DRG1: variants seen among roughly 807,000 people sequenced by gnomAD.
DRG1 encodes the protein developmentally-regulated GTP-binding protein 1.
DRG1 carries 19 observed loss-of-function variants against 38.8 expected under a neutral mutation model. The observed-to-expected ratio is 0.49, with a 90% CI of 0.34 to 0.72. DRG1 has a LOEUF of 0.72. Among genes scored for constraint, DRG1 ranks in the 30% least tolerant of loss-of-function variants. DRG1 has a pLI of 0.01. For missense variants in DRG1, 299 were observed against 444.8 expected, an observed-to-expected ratio of 0.67 and a Z score of 2.95; for synonymous variants, 167 against 157.5, an observed-to-expected ratio of 1.06 and a Z score of -0.45.
At chr22:31,431,838 G>C (rs193121892) in intron 8 of DRG1, among the ~76,000 whole-genome samples, 1 of 152,212 alleles carries the variant, frequency 6.6e-6, no homozygotes, top group African/African-American at 2.4e-5. Flanking sequence ...ACTTTAACTG[G>C]TAAAGATGAC....
intron 8 of DRG1, among the ~76,000 whole-genome samples, chr22:31,431,035 CTT>C (rs1365360511): frequency 5.3e-5 from 3 of 56,764 alleles, no homozygotes; most frequent in African/African-American, 6.7e-5. Context: ...CCCCCCCCCG[CTT>C]TTTTTTTTTT....
Position 31,423,257 on chromosome 22 carries a change from A to T in DRG1, c.583-23A>T, listed in dbSNP as rs781145578. 3.1e-6 allele frequency: 5 copies of T among 1,612,556 alleles called. No individual in the cohort carries two copies. The East Asian group carries it at 1.1e-4, about 36-fold the overall frequency. On this transcript the variant is annotated intron_variant, in intron 5 of 8. Coordinates refer to ENST00000331457, the MANE Select transcript of DRG1 (RefSeq NM_004147.4). ...ATTTTTTTTAAATTTTGTGCTGACT[A>T]GTCATCTGCTATTCCCTTTCAGTGC...
chr22:31,428,683 G>C (rs1236795926), intron 8 of DRG1, among the ~76,000 whole-genome samples: 1 of 152,162 alleles, frequency 6.6e-6, no homozygotes, highest in African/African-American at 2.4e-5. Flanking sequence ...AGGAACCTGT[G>C]TGGCATTTAG....
intron 2 of DRG1, 32 bp from the exon 3 acceptor site, chr22:31,402,997 T>G: frequency 6.3e-7 from 1 of 1,593,776 alleles, no homozygotes; most frequent in Non-Finnish European, 8.5e-7. Flanking sequence ...GGGGGATAAC[T>G]CTCCTCTTTT....
In DRG1 at chr22:31,427,222, AGTT is replaced by A. The variant is rs776476899; in HGVS notation, c.1004+41_1004+43del. 1.9e-6 allele frequency: 3 copies of A among 1,603,262 alleles called. No individual in the cohort carries two copies. The Admixed American group carries it at 5.2e-5, about 28-fold the overall frequency. On this transcript the variant is annotated intron_variant, in intron 8 of 8. Transcript: ENST00000331457. ...CCTGTGGTCCCTCCTTTTTCCTATG[AGTT>A]ACCAATTTTACTAACTAGTAATTCT...
At position 31,426,677 on chromosome 22, in the gene DRG1, A is replaced by T. The variant is rs2050112643; in HGVS notation, c.776A>T (p.Asp259Val). The T allele has an allele frequency of 1.2e-6, 2 of 1,613,942 alleles. No individual in the cohort carries two copies. The highest frequency in any genetic ancestry group is 1.7e-6 in the Non-Finnish European group (2 of 1,179,976). ...KIDQISIEEL[D>V]IIYKVPHCVP... ...GACCAAATCTCCATTGAGGAATTGG[A>T]TATCATCTATAAGGTGCCTCACTGT... is the stretch of plus-strand genomic sequence containing the variant. The change falls in exon 7 of 9, where the codon GAT becomes GTT. Residue 259 changes from aspartate to valine, a missense_variant. By Grantham distance (152) the Asp-to-Val change is radical (BLOSUM62 -3). This residue lies in a region of DRG1 where 198 missense variants were observed against 268.1 expected (regional missense o/e 0.74). Transcript: ENST00000331457.
intron 3 of DRG1, among the ~76,000 whole-genome samples, chr22:31,408,516 C>T (rs1012117606): frequency 5.9e-5 from 9 of 151,476 alleles, no homozygotes; most frequent in East Asian, 2.0e-4. Flanking sequence ...GGGAGACTGA[C>T]GCGAGCAGAT....
intron 8 of DRG1, among the ~76,000 whole-genome samples, chr22:31,427,687 T>C (rs1436740541): frequency 6.6e-6 from 1 of 152,202 alleles, no homozygotes; most frequent in African/African-American, 2.4e-5. Flanking sequence ...TGCCTCAGCC[T>C]CCTGAGTAGC....
At chr22:31,424,562 G>A (rs1250279363) in intron 6 of DRG1, among the ~76,000 whole-genome samples, 4 of 137,438 alleles carry the variant, frequency 2.9e-5, no homozygotes, top group Non-Finnish European at 1.5e-5. Flanking sequence ...ACAGTGGCGC[G>A]ATCTTGGCTC....
intron 4 of DRG1, among the ~76,000 whole-genome samples, chr22:31,417,255 A>T (rs2050050160): frequency 7.0e-6 from 1 of 143,132 alleles, no homozygotes; most frequent in Admixed American, 6.9e-5. Flanking sequence ...CTGTAGTCCC[A>T]AGCTGCTCGG....
intron 8 of DRG1, among the ~76,000 whole-genome samples, chr22:31,431,828 A>C (rs772134918): frequency 6.6e-6 from 1 of 152,192 alleles, no homozygotes; most frequent in Admixed American, 6.5e-5. Flanking sequence ...TTTGGCAGTT[A>C]CTTTAACTGG....
In DRG1 at chr22:31,401,742, C is replaced by G. The variant is rs573661922; in HGVS notation, c.166+999C>G. Reference sequence around the variant, plus strand: ...CTGCACTCCATCCTGGGTGATAGAGCGAGATCTCATCTTAAGAAAACCAAA... The same window carrying G: ...CTGCACTCCATCCTGGGTGATAGAGGGAGATCTCATCTTAAGAAAACCAAA... On this transcript the variant is annotated intron_variant, in intron 2 of 8. Coordinates refer to ENST00000331457, the MANE Select transcript of DRG1 (RefSeq NM_004147.4). Among the ~76,000 whole-genome samples the G allele has an allele frequency of 9.2e-5, 14 of 151,882 alleles. No individual in the cohort carries two copies. The South Asian group carries it at 2.3e-3, about 25-fold the overall frequency.
At chr22:31,415,620 C>G (rs1258923187) in intron 4 of DRG1, among the ~76,000 whole-genome samples, 1 of 152,134 alleles carries the variant, frequency 6.6e-6, no homozygotes, top group Non-Finnish European at 1.5e-5. Flanking sequence ...CCTCGGCCTC[C>G]CAAAGTGCTG....
intron 4 of DRG1, among the ~76,000 whole-genome samples, chr22:31,413,704 C>T (rs978152842): frequency 4.8e-5 from 7 of 145,474 alleles, no homozygotes; most frequent in African/African-American, 1.8e-4. Context: ...ATATCTGCCT[C>T]CCGGTTTCAA....
intron 4 of DRG1, among the ~76,000 whole-genome samples, chr22:31,418,523 T>G (rs1189518173): frequency 2.0e-5 from 3 of 152,098 alleles, no homozygotes; most frequent in African/African-American, 7.2e-5. Flanking sequence ...ATTTTTTTTT[T>G]TCTGAGATGG....
chr22:31,406,293 C>T (rs973190544), intron 3 of DRG1, among the ~76,000 whole-genome samples: 1 of 152,172 alleles, frequency 6.6e-6, no homozygotes, highest in African/African-American at 2.4e-5. Context: ...AGCCACTGCG[C>T]TTGGCCACTT....
intron 4 of DRG1, among the ~76,000 whole-genome samples, chr22:31,417,363 C>G (rs2050050839): frequency 6.6e-6 from 1 of 150,376 alleles, no homozygotes; most frequent in South Asian, 2.1e-4. Flanking sequence ...GAGCAAGACT[C>G]TGTGTCAAAA....
chr22:31,399,965 G>A (rs1213308766), intron 1 of DRG1, among the ~76,000 whole-genome samples: 1 of 151,972 alleles, frequency 6.6e-6, no homozygotes, highest in Non-Finnish European at 1.5e-5. Context: ...GCCCGGGCCC[G>A]CGTTCCGCAC....
rs1279244403 is a variant in DRG1 at position 31,431,027 on chromosome 22, C to G, written c.1005-2845C>G. 9.6e-4 allele frequency among the ~76,000 whole-genome samples: 116 copies of G among 120,726 alleles called. 6 individuals carry two copies. The South Asian group carries it at 0.027, about 28-fold the overall frequency. The allele number at this position is 120,726 out of a possible 152,430, so 79.2% of individuals were successfully genotyped here. On this transcript the variant is annotated intron_variant, in intron 8 of 8. Coordinates refer to ENST00000331457, the MANE Select transcript of DRG1 (RefSeq NM_004147.4). The stretch of plus-strand genomic sequence containing the variant: ...GCCACTGCACCCGGCCTTCCCCCCC[C>G]CCCCCCGCTTTTTTTTTTTTTTTTT...
Sources: allele counts gnomAD v4.1 joint callset (sites outside exome capture counted in the v4.1 genomes callset), GRCh38; gene constraint gnomAD v4.1.1; regional missense constraint gnomAD v4.1.1; transcripts MANE v1.5; gene names NCBI Gene and HGNC (gene_info 2026-07-23, HGNC 2026-07-21).